GSE1: variants seen among roughly 807,000 people sequenced by gnomAD.
GSE1 encodes Gse1 coiled-coil protein, also known as genetic suppressor element 1.
GSE1 carries 32 observed loss-of-function variants against 112.6 expected under a neutral mutation model. That is an observed-to-expected ratio of 0.28 (90% CI 0.21 to 0.38). The LOEUF (loss-of-function observed/expected upper bound fraction) is 0.38. Among genes scored for constraint, GSE1 ranks in the 10% least tolerant of loss-of-function variants. The pLI, the probability that GSE1 is intolerant of heterozygous loss-of-function variation, is 1.00. For missense variants in GSE1, 2,348 were observed against 1,699.2 expected (o/e 1.38, Z -6.71); for synonymous variants, 1,115 against 735.6 (o/e 1.52, Z -8.35).
At chr16:85,188,818 A>C (rs982295608) in intron 1 of GSE1, among the ~76,000 whole-genome samples, 3 of 149,350 alleles carry the variant, frequency 2.0e-5, no homozygotes, top group Non-Finnish European at 4.5e-5. Flanking sequence ...AAAAAAAAAA[A>C]AACAAAACAA....
At chr16:85,616,694 T>A (rs1255604965) in intron 1 of GSE1, among the ~76,000 whole-genome samples, 2 of 151,806 alleles carry the variant, frequency 1.3e-5, no homozygotes, top group African/African-American at 4.8e-5. Flanking sequence ...CTTTAATTCC[T>A]CCCCCAGTGG....
intron 15 of GSE1, among the ~76,000 whole-genome samples, chr16:85,671,402 T>C (rs1341473872): frequency 1.6e-5 from 2 of 127,672 alleles, no homozygotes; most frequent in South Asian, 2.7e-4. Context: ...ATTGCGCCAC[T>C]GCACTCCAGC....
chr16:85,236,014 C>T (rs1010277841), intron 1 of GSE1, among the ~76,000 whole-genome samples: 1 of 150,944 alleles, frequency 6.6e-6, no homozygotes, highest in African/African-American at 2.4e-5. Context: ...GAGGCTGGGC[C>T]TGGGGCTGCG....
At chr16:85,429,239 C>A (rs1408896875) in intron 2 of GSE1, among the ~76,000 whole-genome samples, 1 of 152,224 alleles carries the variant, frequency 6.6e-6, no homozygotes, top group East Asian at 1.9e-4. Flanking sequence ...GAGCACCCCC[C>A]AGGATGCCCG....
chr16:85,511,279 C>G (rs751554668), intron 2 of GSE1, among the ~76,000 whole-genome samples: 3 of 152,218 alleles, frequency 2.0e-5, no homozygotes, highest in Non-Finnish European at 4.4e-5. Context: ...GTAATCCCAG[C>G]ACTTTGGGAG....
At chr16:85,423,038 CA>C (rs2048887097) in intron 2 of GSE1, among the ~76,000 whole-genome samples, 2 of 152,218 alleles carry the variant, frequency 1.3e-5, no homozygotes, top group African/African-American at 2.4e-5. Flanking sequence ...CATCCCTGCC[CA>C]AGGAGGCATT....
intron 1 of GSE1, among the ~76,000 whole-genome samples, chr16:85,331,155 T>C (rs1597406408): frequency 6.6e-6 from 1 of 150,706 alleles, no homozygotes; most frequent in Admixed American, 6.6e-5. Flanking sequence ...TTTTATTATT[T>C]ATTTATTTAT....
At chr16:85,544,199 A>T (rs1461474076) in intron 2 of GSE1, among the ~76,000 whole-genome samples, 1 of 151,962 alleles carries the variant, frequency 6.6e-6, no homozygotes, top group Non-Finnish European at 1.5e-5. Flanking sequence ...GAGGCCGGGG[A>T]TGTTGCTAAA....
chr16:85,478,903 CTTTCTT>C (rs1190727690), intron 2 of GSE1, among the ~76,000 whole-genome samples: 15 of 67,604 alleles, frequency 2.2e-4, no homozygotes, highest in African/African-American at 1.0e-3. Flanking sequence ...TTCTTTCTTT[CTTTCTT>C]TCTTTCTTTC....
chr16:85,220,720 C>T (rs539084356), intron 1 of GSE1, among the ~76,000 whole-genome samples: 5 of 152,322 alleles, frequency 3.3e-5, no homozygotes, highest in South Asian at 2.1e-4. Context: ...TGCTCTCTCG[C>T]GCTCTCTGCA....
At chr16:85,478,274 C>G (rs1358723917) in intron 2 of GSE1, among the ~76,000 whole-genome samples, 1 of 152,110 alleles carries the variant, frequency 6.6e-6, no homozygotes, top group South Asian at 2.1e-4. Context: ...TGCCTGTCAT[C>G]GCAGCACCTT....
intron 2 of GSE1, among the ~76,000 whole-genome samples, chr16:85,363,191 G>T (rs1383261919): frequency 6.6e-6 from 1 of 152,166 alleles, no homozygotes; most frequent in Non-Finnish European, 1.5e-5. Flanking sequence ...CTGAGTTTGG[G>T]GTGGGGTTGC....
chr16:85,500,557 C>T (rs551466323), intron 2 of GSE1, among the ~76,000 whole-genome samples: 5 of 152,332 alleles, frequency 3.3e-5, no homozygotes, highest in Non-Finnish European at 7.3e-5. Flanking sequence ...AGGAGAGGCA[C>T]GTCGTGGCAG....
chr16:85,598,176 T>TG (rs917797051), intron 1 of GSE1, among the ~76,000 whole-genome samples: 1 of 146,314 alleles, frequency 6.8e-6, no homozygotes, highest in Non-Finnish European at 1.5e-5. Flanking sequence ...TGTTTTTTTT[T>TG]TTTTTTTTTT....
At chr16:85,231,034 G>A (rs545052299) in intron 1 of GSE1, among the ~76,000 whole-genome samples, 89 of 149,792 alleles carry the variant, frequency 5.9e-4, no homozygotes, top group African/African-American at 2.1e-3. Context: ...ATGGACAGAA[G>A]GATAGATGGA....
At chr16:85,585,503 CA>C (rs1356841850) in intron 1 of GSE1, among the ~76,000 whole-genome samples, 17 of 152,230 alleles carry the variant, frequency 1.1e-4, no homozygotes, top group African/African-American at 3.9e-4. Flanking sequence ...TTTCTCCAAA[CA>C]CTCGCTTTGG....
chr16:85,605,334 A>G (rs1282776472), intron 1 of GSE1, among the ~76,000 whole-genome samples: 1 of 151,948 alleles, frequency 6.6e-6, no homozygotes, highest in African/African-American at 2.4e-5. Flanking sequence ...TCTAGGCCCA[A>G]TGTCCCAGGG....
At chr16:85,621,337 C>G (rs765878850) in intron 1 of GSE1, among the ~76,000 whole-genome samples, 1 of 152,204 alleles carries the variant, frequency 6.6e-6, no homozygotes, top group Non-Finnish European at 1.5e-5. Context: ...CCGCTTAGAT[C>G]GTCTCTTGAA....
At chr16:85,262,689 C>T (rs1907828472) in intron 1 of GSE1, among the ~76,000 whole-genome samples, 1 of 152,190 alleles carries the variant, frequency 6.6e-6, no homozygotes, top group South Asian at 2.1e-4. Flanking sequence ...GAGTGGGAGT[C>T]CGAGACTCCA....
Sources: gnomAD v4.1 joint callset for allele counts (sites outside exome capture counted in the v4.1 genomes callset) on GRCh38, gnomAD v4.1.1 for gene constraint, MANE v1.5 for transcripts, NCBI Gene and HGNC (gene_info 2026-07-23, HGNC 2026-07-21) for gene names.